Variants in CACNA2D3 observed in about 807,000 individuals in gnomAD.
CACNA2D3 encodes the protein calcium voltage-gated channel auxiliary subunit alpha2delta 3.
Under a neutral mutation model 160.6 loss-of-function variants are expected in CACNA2D3, and 60 were observed. That is an observed-to-expected ratio of 0.37 (90% CI 0.30 to 0.46). CACNA2D3 has a LOEUF of 0.46. Among genes scored for constraint, CACNA2D3 ranks in the 20% least tolerant of loss-of-function variants. The pLI is 1.00. For missense variants in CACNA2D3, 1,205 were observed against 1,365.0 expected (o/e 0.88, Z 1.85); for synonymous variants, 558 against 492.9 (o/e 1.13, Z -1.75).
chr3:54,805,916 G>A (rs1207203597), intron 13 of CACNA2D3, among the ~76,000 whole-genome samples: 1 of 152,070 alleles, frequency 6.6e-6, no homozygotes, highest in African/African-American at 2.4e-5. Context: ...ATCAATAAAT[G>A]TAATCCAGCA....
chr3:54,825,706 A>G (rs1703734631), intron 14 of CACNA2D3, among the ~76,000 whole-genome samples: 1 of 152,266 alleles, frequency 6.6e-6, no homozygotes, highest in Non-Finnish European at 1.5e-5. Flanking sequence ...TTTATTTTCT[A>G]ATTGCATTAG....
At chr3:54,207,158 A>C (rs1218635362) in intron 2 of CACNA2D3, among the ~76,000 whole-genome samples, 1 of 151,378 alleles carries the variant, frequency 6.6e-6, no homozygotes. Context: ...GGGTGCTCAG[A>C]TAGAATGGGC....
intron 2 of CACNA2D3, among the ~76,000 whole-genome samples, chr3:54,217,128 G>A (rs1701477582): frequency 1.3e-5 from 2 of 152,178 alleles, no homozygotes; most frequent in Admixed American, 6.5e-5. Context: ...CAGTGAGCAA[G>A]GGAGAGGGCT....
At chr3:54,680,475 C>T (rs1413439093) in intron 11 of CACNA2D3, among the ~76,000 whole-genome samples, 5 of 152,302 alleles carry the variant, frequency 3.3e-5, no homozygotes, top group African/African-American at 7.2e-5. Flanking sequence ...TGGCCCCTAC[C>T]CCCAGCCTGG....
At chr3:54,607,737 A>T (rs879730863) in intron 9 of CACNA2D3, among the ~76,000 whole-genome samples, 2 of 152,206 alleles carry the variant, frequency 1.3e-5, no homozygotes, top group African/African-American at 4.8e-5. Flanking sequence ...GATATTTACC[A>T]AAAGGAATGA....
At chr3:54,400,740 G>A (rs550205580) in intron 4 of CACNA2D3, among the ~76,000 whole-genome samples, 4 of 152,246 alleles carry the variant, frequency 2.6e-5, no homozygotes, top group South Asian at 4.1e-4. Flanking sequence ...CCATCTGCAA[G>A]TGAAAGTCTT....
At chr3:54,410,736 G>A (rs1409267465) in intron 4 of CACNA2D3, among the ~76,000 whole-genome samples, 1 of 152,196 alleles carries the variant, frequency 6.6e-6, no homozygotes, top group Non-Finnish European at 1.5e-5. Context: ...TTTCATGCCT[G>A]CTAACGCAAC....
At chr3:54,656,134 C>T (rs1314065948) in intron 11 of CACNA2D3, among the ~76,000 whole-genome samples, 1 of 152,192 alleles carries the variant, frequency 6.6e-6, no homozygotes, top group East Asian at 1.9e-4. Flanking sequence ...CAGCAGGTGC[C>T]TCTGAGTAGG....
At chr3:54,547,137 T>G (rs2106676453) in intron 5 of CACNA2D3, among the ~76,000 whole-genome samples, 1 of 152,278 alleles carries the variant, frequency 6.6e-6, no homozygotes, top group African/African-American at 2.4e-5. Context: ...AAGGAATTTA[T>G]AGGGTGAATG....
chr3:55,066,492 G>T (rs990076455), intron 35 of CACNA2D3, among the ~76,000 whole-genome samples: 2 of 152,072 alleles, frequency 1.3e-5, no homozygotes, highest in Admixed American at 1.3e-4. Context: ...TTATCCCTGC[G>T]TTCCTCCCCA....
chr3:54,852,564 T>C (rs953123), intron 17 of CACNA2D3, among the ~76,000 whole-genome samples: 2,361 of 152,324 alleles, frequency 0.015, 50 homozygotes, highest in African/African-American at 0.054. Context: ...GCACTCGCCT[T>C]TCCCTGTGTC....
intron 2 of CACNA2D3, among the ~76,000 whole-genome samples, chr3:54,248,707 C>T (rs551309761): frequency 4.7e-4 from 72 of 152,174 alleles, no homozygotes; most frequent in African/African-American, 1.5e-3. Context: ...TCTCCAGAAC[C>T]GTGGGAAAAT....
At chr3:54,773,003 C>T (rs1238678496) in intron 13 of CACNA2D3, among the ~76,000 whole-genome samples, 1 of 152,178 alleles carries the variant, frequency 6.6e-6, no homozygotes, top group East Asian at 1.9e-4. Flanking sequence ...GGGAATGTGA[C>T]CATTTAAAAT....
At chr3:54,689,432 G>A (rs1048793256) in intron 11 of CACNA2D3, among the ~76,000 whole-genome samples, 1 of 152,030 alleles carries the variant, frequency 6.6e-6, no homozygotes. Flanking sequence ...TGTATCTCCA[G>A]GACAGACCTC....
intron 35 of CACNA2D3, among the ~76,000 whole-genome samples, chr3:55,033,547 G>A (rs1389944737): frequency 2.2e-5 from 3 of 138,020 alleles, no homozygotes; most frequent in African/African-American, 2.7e-5. Flanking sequence ...TATTTCACCC[G>A]ATATGTCTGA....
At chr3:54,630,694 G>A (rs764668870) in intron 10 of CACNA2D3, among the ~76,000 whole-genome samples, 12 of 152,136 alleles carry the variant, frequency 7.9e-5, no homozygotes, top group Non-Finnish European at 1.6e-4. Context: ...CCAAGAAGGT[G>A]TATTCACACT....
chr3:54,290,460 G>T (rs1703160607), intron 2 of CACNA2D3, among the ~76,000 whole-genome samples: 2 of 152,116 alleles, frequency 1.3e-5, no homozygotes, highest in Admixed American at 1.3e-4. Context: ...CACTGTGTGT[G>T]GGACTGTAAA....
At chr3:54,159,558 C>G (rs1476054397) in intron 2 of CACNA2D3, among the ~76,000 whole-genome samples, 1 of 152,126 alleles carries the variant, frequency 6.6e-6, no homozygotes, top group African/African-American at 2.4e-5. Flanking sequence ...ATGAACCTTT[C>G]TCCGGTGCCT....
chr3:54,805,122 TAACATCACAATTA>T (rs1350631793), intron 13 of CACNA2D3, among the ~76,000 whole-genome samples: 8 of 152,064 alleles, frequency 5.3e-5, no homozygotes, highest in Non-Finnish European at 1.0e-4. Context: ...ATTGACACCC[TAACATCACAATTA>T]AAAGAACTGG....
Sources: allele counts gnomAD v4.1 joint callset (sites outside exome capture counted in the v4.1 genomes callset), GRCh38; gene constraint gnomAD v4.1.1; transcripts MANE v1.5; gene names NCBI Gene and HGNC (gene_info 2026-07-23, HGNC 2026-07-21).